PTPRD: variants seen among roughly 807,000 people sequenced by gnomAD.
PTPRD encodes the protein protein tyrosine phosphatase receptor type D, also known as receptor-type tyrosine-protein phosphatase delta.
PTPRD carries 34 observed loss-of-function variants against 214.5 expected under a neutral mutation model. The ratio of observed to expected loss-of-function variants is 0.16; its 90% CI spans 0.12 to 0.21. The LOEUF (loss-of-function observed/expected upper bound fraction) is 0.21. Ranked by LOEUF, PTPRD falls within the 10% of genes least tolerant of loss-of-function variation. The probability of loss-of-function intolerance (pLI) is 1.00; values close to 1 mark genes in which losing one functional copy is unlikely to be tolerated. For synonymous variants in PTPRD, 1,128 were observed against 845.7 expected (o/e 1.33, Z -5.79); for missense variants, 2,545 against 2,398.7 (o/e 1.06, Z -1.27).
chr9:10,252,887 G>T (rs2092916974), intron 3 of PTPRD, among the ~76,000 whole-genome samples: 1 of 152,030 alleles, frequency 6.6e-6, no homozygotes, highest in African/African-American at 2.4e-5. Flanking sequence ...GGGTTCAAGA[G>T]ATTTTTCTGC....
intron 2 of PTPRD, among the ~76,000 whole-genome samples, chr9:10,512,850 C>T (rs1411382816): frequency 6.6e-6 from 1 of 151,778 alleles, no homozygotes; most frequent in African/African-American, 2.4e-5. Context: ...AATATTTGAT[C>T]TTTTTATTGC....
intron 2 of PTPRD, among the ~76,000 whole-genome samples, chr9:10,607,867 G>T (rs973947777): frequency 6.6e-6 from 1 of 151,626 alleles, no homozygotes; most frequent in African/African-American, 2.4e-5. Context: ...TTAATGTATT[G>T]TATCCTACAA....
At chr9:9,044,873 G>C (rs2099667276) in intron 10 of PTPRD, among the ~76,000 whole-genome samples, 1 of 152,144 alleles carries the variant, frequency 6.6e-6, no homozygotes, top group Non-Finnish European at 1.5e-5. Flanking sequence ...TGAATATACT[G>C]TCATAATGGT....
intron 11 of PTPRD, among the ~76,000 whole-genome samples, chr9:8,934,043 T>C (rs1442121226): frequency 1.3e-5 from 2 of 152,058 alleles, no homozygotes; most frequent in Non-Finnish European, 2.9e-5. Context: ...TAACTAATTC[T>C]ATTCCTCAGG....
At chr9:8,368,178 T>C (rs10815836) in intron 39 of PTPRD, among the ~76,000 whole-genome samples, 13,405 of 152,200 alleles carry the variant, frequency 0.088, 647 homozygotes, top group Middle Eastern at 0.11. Context: ...AATATACACA[T>C]AGATCAGAAA....
chr9:9,536,219 C>T (rs1427967178), intron 8 of PTPRD, among the ~76,000 whole-genome samples: 1 of 151,906 alleles, frequency 6.6e-6, no homozygotes, highest in East Asian at 1.9e-4. Context: ...TATCTCTCTG[C>T]TTAAGGACAG....
At chr9:9,145,857 GA>G (rs2154484445) in intron 10 of PTPRD, among the ~76,000 whole-genome samples, 1 of 152,294 alleles carries the variant, frequency 6.6e-6, no homozygotes, top group South Asian at 2.1e-4. Flanking sequence ...CCTGACAATG[GA>G]AACCTGCAAC....
intron 2 of PTPRD, among the ~76,000 whole-genome samples, chr9:10,564,186 T>TTTTTTTTTTTTTTTTTTTTC (rs2064943624): frequency 8.4e-6 from 1 of 119,130 alleles, no homozygotes; most frequent in Non-Finnish European, 1.8e-5. Context: ...TTTTTTTTTT[T>TTTTTTTTTTTTTTTTTTTTC]TTTTTTTTTG....
intron 14 of PTPRD, among the ~76,000 whole-genome samples, chr9:8,557,876 C>A (rs2084607485): frequency 6.9e-6 from 1 of 144,836 alleles, no homozygotes; most frequent in East Asian, 2.1e-4. Flanking sequence ...GTATACATAT[C>A]AAGAAACAAG....
intron 11 of PTPRD, among the ~76,000 whole-genome samples, chr9:8,846,353 G>A (rs569760620): frequency 2.0e-5 from 3 of 152,034 alleles, no homozygotes; most frequent in African/African-American, 2.4e-5. Flanking sequence ...CTATTGCACC[G>A]AGCCAGGCCA....
intron 10 of PTPRD, among the ~76,000 whole-genome samples, chr9:9,146,047 T>C (rs1191778427): frequency 6.6e-6 from 1 of 152,192 alleles, no homozygotes; most frequent in Non-Finnish European, 1.5e-5. Context: ...ACTCTCCTTG[T>C]AAAAATTACA....
At chr9:8,857,822 C>T in intron 11 of PTPRD, 1 of 155,952 alleles carries the variant, frequency 6.4e-6, no homozygotes, top group Non-Finnish European at 1.4e-5. Context: ...AGCCCTCGTG[C>T]GGCCAGCCCA....
At chr9:10,516,566 T>G (rs2050184398) in intron 2 of PTPRD, among the ~76,000 whole-genome samples, 1 of 151,970 alleles carries the variant, frequency 6.6e-6, no homozygotes, top group African/African-American at 2.4e-5. Flanking sequence ...TGTAAAAGGT[T>G]TTTAGTTTTA....
At chr9:9,535,289 A>G (rs887825248) in intron 8 of PTPRD, among the ~76,000 whole-genome samples, 3 of 152,130 alleles carry the variant, frequency 2.0e-5, no homozygotes, top group Non-Finnish European at 4.4e-5. Context: ...TAGAAGTTTA[A>G]TATTTCAGAG....
chr9:8,513,747 T>C (rs2097728155), intron 21 of PTPRD, among the ~76,000 whole-genome samples: 1 of 152,106 alleles, frequency 6.6e-6, no homozygotes, highest in Non-Finnish European at 1.5e-5. Context: ...TCGGCATTAA[T>C]TACATCAGAA....
intron 11 of PTPRD, among the ~76,000 whole-genome samples, chr9:8,842,399 G>A (rs574590674): frequency 1.4e-3 from 210 of 152,254 alleles, no homozygotes; most frequent in South Asian, 3.1e-3. Context: ...CTTTGAAATA[G>A]ATGAATAAAA....
intron 9 of PTPRD, among the ~76,000 whole-genome samples, chr9:9,208,940 T>A (rs2099946733): frequency 6.6e-6 from 1 of 152,046 alleles, no homozygotes; most frequent in South Asian, 2.1e-4. Context: ...CCCGAGTAGC[T>A]GGAACCACAG....
intron 11 of PTPRD, among the ~76,000 whole-genome samples, chr9:9,013,765 C>A (rs939836977): frequency 2.0e-5 from 3 of 152,144 alleles, no homozygotes; most frequent in African/African-American, 7.2e-5. Context: ...GATGTACCCA[C>A]TGTTTTTTCC....
intron 10 of PTPRD, among the ~76,000 whole-genome samples, chr9:9,112,052 C>T (rs970155992): frequency 5.9e-5 from 9 of 152,116 alleles, no homozygotes; most frequent in Non-Finnish European, 8.8e-5. Flanking sequence ...CTGTAACCTC[C>T]TCTGCTTTTA....
Sources: allele counts gnomAD v4.1 joint callset (sites outside exome capture counted in the v4.1 genomes callset), GRCh38; gene constraint gnomAD v4.1.1; transcripts MANE v1.5; gene names NCBI Gene and HGNC (gene_info 2026-07-23, HGNC 2026-07-21).